The following ROCK1 variants were observed in gnomAD, a reference collection of about 807,000 sequenced individuals.
The protein encoded by ROCK1 is rho-associated protein kinase 1.
In ROCK1, 36 loss-of-function variants were observed where a neutral mutation model predicts 196.8. The ratio of observed to expected loss-of-function variants is 0.18; its 90% CI spans 0.14 to 0.24. The LOEUF is 0.24. Among genes scored for constraint, ROCK1 ranks in the 10% least tolerant of loss-of-function variants. ROCK1 has a pLI of 1.00. For synonymous variants in ROCK1, 443 were observed against 515.9 expected (o/e 0.86, Z 1.91); for missense variants, 920 against 1,562.0 (o/e 0.59, Z 6.93).
At chr18:21,014,227 A>G (rs1221681736) in intron 13 of ROCK1, among the ~76,000 whole-genome samples, 1 of 152,064 alleles carries the variant, frequency 6.6e-6, no homozygotes, top group Non-Finnish European at 1.5e-5. Context: ...GCAACTGTTG[A>G]TATTTCGAGG....
intron 2 of ROCK1, among the ~76,000 whole-genome samples, chr18:21,055,256 C>T (rs775028136): frequency 6.6e-6 from 1 of 152,122 alleles, no homozygotes; most frequent in Non-Finnish European, 1.5e-5. Flanking sequence ...TTTTAAAATT[C>T]ATAATCACAA....
intron 2 of ROCK1, among the ~76,000 whole-genome samples, chr18:21,062,853 C>T (rs1312967144): frequency 1.3e-5 from 2 of 152,066 alleles, no homozygotes; most frequent in Non-Finnish European, 2.9e-5. Flanking sequence ...AGTCAGTATC[C>T]AACGTCTAAT....
At chr18:21,025,868 G>A (rs557547277) in intron 10 of ROCK1, among the ~76,000 whole-genome samples, 58 of 152,238 alleles carry the variant, frequency 3.8e-4, no homozygotes, top group Admixed American at 6.5e-4. Flanking sequence ...TAAGAACACA[G>A]TATAATTTCT....
At chr18:20,951,541 T>C (rs1037418882) in intron 32 of ROCK1, among the ~76,000 whole-genome samples, 154 bp from the exon 33 acceptor site, 2 of 152,198 alleles carry the variant, frequency 1.3e-5, no homozygotes, top group African/African-American at 4.8e-5. Flanking sequence ...AGGAAAAATA[T>C]ACTTAGTATT....
intron 16 of ROCK1, among the ~76,000 whole-genome samples, chr18:20,997,939 C>T (rs1458427118): frequency 6.6e-6 from 1 of 151,406 alleles, no homozygotes; most frequent in Admixed American, 6.6e-5. Flanking sequence ...CGGGTTCAAG[C>T]GATTCTCCTG....
At chr18:20,966,773 A>G in intron 27 of ROCK1, 144 bp downstream of exon 27, 1 of 643,024 alleles carries the variant, frequency 1.6e-6, no homozygotes, top group East Asian at 2.8e-5. Context: ...TATAATCATC[A>G]TCAGGCCTTG....
chr18:21,002,703 A>C (rs2035735323), intron 16 of ROCK1, among the ~76,000 whole-genome samples: 1 of 152,120 alleles, frequency 6.6e-6, no homozygotes, highest in African/African-American at 2.4e-5. Flanking sequence ...TACTAACACC[A>C]CAAAAAGATA....
chr18:20,959,726 A>T, intron 29 of ROCK1, 114 bp downstream of exon 29: 4 of 496,786 alleles, frequency 8.1e-6, no homozygotes. Context: ...AGAAAAACAG[A>T]AAAGTAGGTA....
intron 2 of ROCK1, among the ~76,000 whole-genome samples, chr18:21,050,887 G>A (rs1329639209): frequency 6.6e-6 from 1 of 152,106 alleles, no homozygotes; most frequent in Non-Finnish European, 1.5e-5. Flanking sequence ...CCATACATCA[G>A]GCTGTACAGC....
At chr18:20,982,917 A>G in intron 20 of ROCK1, 85 bp from the exon 21 acceptor site, 1 of 642,548 alleles carries the variant, frequency 1.6e-6, no homozygotes, top group Non-Finnish European at 2.8e-6. Flanking sequence ...AGTTGCTAAT[A>G]TAAAAAAGTT....
intron 1 of ROCK1, among the ~76,000 whole-genome samples, chr18:21,079,552 G>A (rs776921886): frequency 9.8e-5 from 15 of 152,342 alleles, no homozygotes; most frequent in South Asian, 2.1e-4. Context: ...ATTTCCTGGA[G>A]GGGTAAGAGT....
At chr18:20,961,683 C>A (rs1435436776) in intron 27 of ROCK1, among the ~76,000 whole-genome samples, 9 of 152,100 alleles carry the variant, frequency 5.9e-5, no homozygotes, top group Admixed American at 5.9e-4. Flanking sequence ...TTTTCCCCTA[C>A]TCCCACCAGG....
chr18:20,956,847 C>T (rs1386391730), intron 29 of ROCK1, among the ~76,000 whole-genome samples: 1 of 151,686 alleles, frequency 6.6e-6, no homozygotes, highest in African/African-American at 2.4e-5. Flanking sequence ...CATAAGCAAC[C>T]CAATTTAAAA....
chr18:21,095,743 A>T (rs1215372619), intron 1 of ROCK1, among the ~76,000 whole-genome samples: 1 of 151,904 alleles, frequency 6.6e-6, no homozygotes, highest in Non-Finnish European at 1.5e-5. Flanking sequence ...AAAAAAAAAA[A>T]CTAGCTAGAA....
intron 1 of ROCK1, among the ~76,000 whole-genome samples, chr18:21,107,535 G>T (rs2036713044): frequency 6.6e-6 from 1 of 152,156 alleles, no homozygotes; most frequent in Non-Finnish European, 1.5e-5. Flanking sequence ...GGCAACCAAT[G>T]TAAAAGGAGT....
intron 1 of ROCK1, among the ~76,000 whole-genome samples, chr18:21,075,381 GA>G (rs2036420900): frequency 1.3e-5 from 2 of 152,252 alleles, no homozygotes; most frequent in African/African-American, 4.8e-5. Flanking sequence ...AGTAGACAGT[GA>G]CTTCATTAAC....
intron 29 of ROCK1, 46 bp from the exon 30 acceptor site, chr18:20,955,291 G>A: frequency 1.3e-6 from 2 of 1,531,804 alleles, no homozygotes; most frequent in Non-Finnish European, 1.8e-6. Flanking sequence ...CTCATTTATT[G>A]TAAAAGACAT....
chr18:21,099,077 T>C (rs1176925820), intron 1 of ROCK1, among the ~76,000 whole-genome samples: 1 of 152,136 alleles, frequency 6.6e-6, no homozygotes, highest in Non-Finnish European at 1.5e-5. Context: ...GCAATCTCAC[T>C]TCTAGGAATC....
In ROCK1 at chr18:21,111,128, C is replaced by T; in HGVS notation, c.-218G>A. The T allele has an allele frequency of 3.5e-6, 2 of 574,698 alleles. No individual in the cohort carries two copies. The highest frequency in any genetic ancestry group is 3.1e-6 in the Non-Finnish European group (1 of 325,334). 35.6% of individuals were successfully genotyped at this position (574,698 alleles called of 1,614,324 possible). On this transcript the variant is annotated 5_prime_UTR_variant, in exon 1 of 33. It introduces an in-frame stop codon into an upstream open reading frame of the 5' UTR. Transcript: ENST00000399799. This position sits in a 1 kb window ranked among gnomAD's most constrained non-coding sequence, Gnocchi z 4.2. ...CAGCGACCCACAGCCGCTCGGACGCCCAAAGTCGCATCCCACCCGGCAGCC... is the reference window on the plus strand; with the variant it reads ...CAGCGACCCACAGCCGCTCGGACGCTCAAAGTCGCATCCCACCCGGCAGCC...
Sources: gnomAD v4.1 joint callset for allele counts (sites outside exome capture counted in the v4.1 genomes callset) on GRCh38, gnomAD v4.1.1 for gene constraint, Gnocchi (gnomAD v3.1) non-coding constraint, MANE v1.5 for transcripts, NCBI Gene and HGNC (gene_info 2026-07-23, HGNC 2026-07-21) for gene names.